The following PRIM2 variants were observed in gnomAD, a reference collection of about 807,000 sequenced individuals.
PRIM2 encodes DNA primase subunit 2, also known as DNA primase large subunit.
A neutral mutation model predicts 67.3 loss-of-function variants in PRIM2; 39 were observed. The ratio of observed to expected loss-of-function variants is 0.58; its 90% confidence interval spans 0.45 to 0.76. The LOEUF (loss-of-function observed/expected upper bound fraction) is 0.76. Ranked by LOEUF, PRIM2 falls within the 30% of genes least tolerant of loss-of-function variation. PRIM2 has a pLI of 0.00. For synonymous variants in PRIM2, 143 were observed against 198.7 expected (o/e 0.72, Z 2.36); for missense variants, 398 against 598.7 (o/e 0.66, Z 3.50).
At chr6:57,330,376 T>C (rs2127280247) in intron 5 of PRIM2, among the ~76,000 whole-genome samples, 1 of 110,756 alleles carries the variant, frequency 9.0e-6, no homozygotes, top group Non-Finnish European at 1.8e-5. Flanking sequence ...TGTTTTTTTG[T>C]TTTTTTGTTT....
the PRIM2 span, among the ~76,000 whole-genome samples, chr6:57,234,735 G>A: frequency 6.6e-6 from 1 of 152,104 alleles, no homozygotes; most frequent in South Asian, 2.1e-4. Context: ...GTGTTAGCCA[G>A]GATGGTCTTG....
intron 7 of PRIM2, among the ~76,000 whole-genome samples, chr6:57,463,482 C>T (rs1279069747): frequency 4.6e-5 from 7 of 152,074 alleles, no homozygotes; most frequent in African/African-American, 9.7e-5. Flanking sequence ...ACAGAGCGAG[C>T]CCCTATCTCT....
chr6:57,244,035 T>C, the PRIM2 span, among the ~76,000 whole-genome samples: 1 of 152,342 alleles, frequency 6.6e-6, no homozygotes, highest in Admixed American at 6.5e-5. Flanking sequence ...TCACATATTC[T>C]GTTCTCAGAA....
the PRIM2 span, among the ~76,000 whole-genome samples, chr6:57,263,487 C>T: frequency 2.6e-5 from 4 of 152,154 alleles, no homozygotes; most frequent in Non-Finnish European, 4.4e-5. Flanking sequence ...TCATCTTCTC[C>T]CTGTGTGTCT....
At chr6:57,369,645 T>G (rs1769478595) in intron 5 of PRIM2, among the ~76,000 whole-genome samples, 1 of 152,166 alleles carries the variant, frequency 6.6e-6, no homozygotes, top group Admixed American at 6.5e-5. Flanking sequence ...AAAAAATGTG[T>G]GTTTCATGTT....
In PRIM2 at chr6:57,548,269, A is replaced by C. The variant is rs1477999412; in HGVS notation, c.1020+10644A>C. On this transcript the variant is annotated intron_variant, in intron 10 of 13. Coordinates refer to ENST00000615550, the MANE Select transcript of PRIM2 (RefSeq NM_000947.5). ...TGAGAAGTGCCAAAGTTAGAGCAGGAGTGCCAAAAGTTAGAGCAGGAACCA... is the reference window on the plus strand; with the variant it reads ...TGAGAAGTGCCAAAGTTAGAGCAGGCGTGCCAAAAGTTAGAGCAGGAACCA... Among the ~76,000 whole-genome samples the C allele has an allele frequency of 5.0e-4, 76 of 152,306 alleles. 1 individual carries two copies. The highest frequency in any genetic ancestry group is 1.7e-3 in the African/African-American group (71 of 41,570).
At chr6:57,562,183 A>G (rs1690052429) in intron 10 of PRIM2, among the ~76,000 whole-genome samples, 1 of 152,200 alleles carries the variant, frequency 6.6e-6, no homozygotes, top group African/African-American at 2.4e-5. Flanking sequence ...ACATAATAAT[A>G]AAATATATAG....
chr6:57,312,455 T>G (rs370868434), upstream of PRIM2, among the ~76,000 whole-genome samples: 1 of 152,234 alleles, frequency 6.6e-6, no homozygotes, highest in East Asian at 1.9e-4. Flanking sequence ...TGGGCAGTGA[T>G]AGCATCACTG....
chr6:57,222,287 A>ACCCG, the PRIM2 span: 1 of 152,138 alleles, frequency 6.6e-6, no homozygotes, highest in African/African-American at 2.4e-5. Context: ...TCATCTGTGG[A>ACCCG]CCCGCCGCGC....
At chr6:57,445,277 C>A (rs920581682) in intron 7 of PRIM2, among the ~76,000 whole-genome samples, 2 of 152,054 alleles carry the variant, frequency 1.3e-5, no homozygotes, top group South Asian at 2.1e-4. Flanking sequence ...GAAACTGAGA[C>A]CCTATCAGGG....
At chr6:57,264,695 C>G in the PRIM2 span, among the ~76,000 whole-genome samples, 1 of 146,256 alleles carries the variant, frequency 6.8e-6, no homozygotes, top group African/African-American at 2.5e-5. Context: ...CTCCTGAGTT[C>G]AAGCGATTCT....
intron 5 of PRIM2, among the ~76,000 whole-genome samples, chr6:57,342,828 A>G (rs573419144): frequency 3.8e-4 from 58 of 152,354 alleles, no homozygotes; most frequent in African/African-American, 1.4e-3. Context: ...ACTAAAAACA[A>G]GTACACGTAA....
At chr6:57,279,227 G>A in the PRIM2 span, among the ~76,000 whole-genome samples, 6 of 152,260 alleles carry the variant, frequency 3.9e-5, no homozygotes, top group African/African-American at 1.4e-4. Context: ...TTATATGAGG[G>A]AAACCACACA....
At chr6:57,596,897 GC>G in intron 10 of PRIM2, among the ~76,000 whole-genome samples, 1 of 152,156 alleles carries the variant, frequency 6.6e-6, no homozygotes, top group Non-Finnish European at 1.5e-5. Flanking sequence ...AAATAGCACA[GC>G]CGTGTAAACT....
At chr6:57,349,582 A>T (rs1768796448) in intron 5 of PRIM2, among the ~76,000 whole-genome samples, 1 of 152,030 alleles carries the variant, frequency 6.6e-6, no homozygotes, top group Admixed American at 6.6e-5. Flanking sequence ...TTAAAGAAGC[A>T]TTGGGTCTGA....
intron 7 of PRIM2, among the ~76,000 whole-genome samples, chr6:57,461,988 A>G (rs1274098598): frequency 1.3e-5 from 2 of 152,196 alleles, no homozygotes; most frequent in African/African-American, 4.8e-5. Context: ...TCTGCAACCC[A>G]AGGGTAGTAA....
chr6:57,625,198 G>A (rs1256818695), intron 12 of PRIM2, among the ~76,000 whole-genome samples: 94 of 152,188 alleles, frequency 6.2e-4, no homozygotes, highest in African/African-American at 2.1e-3. Context: ...ACTATGGCAG[G>A]ATAAGAGAGA....
chr6:57,487,730 C>G (rs1279750675), intron 7 of PRIM2, among the ~76,000 whole-genome samples: 8 of 152,014 alleles, frequency 5.3e-5, no homozygotes, highest in Non-Finnish European at 1.2e-4. Flanking sequence ...TGTAAATGTA[C>G]TCTTAAAATA....
chr6:57,403,610 C>A (rs1258004863), intron 7 of PRIM2, among the ~76,000 whole-genome samples: 1 of 152,042 alleles, frequency 6.6e-6, no homozygotes, highest in African/African-American at 2.4e-5. Context: ...TTATTTCTCT[C>A]TATAGTGCTT....
Sources: allele counts gnomAD v4.1 joint callset (sites outside exome capture counted in the v4.1 genomes callset), GRCh38; gene constraint gnomAD v4.1.1; transcripts MANE v1.5; gene names NCBI Gene and HGNC (gene_info 2026-07-23, HGNC 2026-07-21).